The following JAKMIP1 variants were observed in gnomAD, a reference collection of about 807,000 sequenced individuals.
JAKMIP1 encodes the protein janus kinase and microtubule-interacting protein 1.
A neutral mutation model predicts 113.0 loss-of-function variants in JAKMIP1; 33 were observed. The ratio of observed to expected loss-of-function variants is 0.29; its 90% CI spans 0.22 to 0.39. JAKMIP1 has a LOEUF of 0.39. Among genes scored for constraint, JAKMIP1 ranks in the 10% least tolerant of loss-of-function variants. JAKMIP1 has a pLI of 1.00. For synonymous variants in JAKMIP1, 480 were observed against 459.9 expected (o/e 1.04, Z -0.56); for missense variants, 813 against 1,080.5 (o/e 0.75, Z 3.47).
intron 1 of JAKMIP1, among the ~76,000 whole-genome samples, chr4:6,132,166 GA>G (rs1718598302): frequency 6.6e-6 from 1 of 152,230 alleles, no homozygotes; most frequent in Non-Finnish European, 1.5e-5. Flanking sequence ...TGGGAGAGAC[GA>G]AACGGGACTC....
At position 6,168,103 on chromosome 4, in the gene JAKMIP1, C is replaced by G. The variant is rs1029735869; in HGVS notation, c.-148+32150G>C. 6.6e-6 allele frequency among the ~76,000 whole-genome samples: 1 copy of G among 152,200 alleles called. No individual in the cohort carries two copies. Among genetic ancestry groups the G allele is most frequent in the Non-Finnish European group, 1.5e-5 (1 of 68,042 alleles). On this transcript the variant is annotated intron_variant, in intron 1 of 20. Transcript: ENST00000409021. The surrounding 1 kb of genome is among the most constrained non-coding windows in gnomAD (Gnocchi z 4.6). ...ACCGCAGTGAGACGGCACCACACACCACCCAGGACGGCTGCAATCAAAAAA... is the reference window on the plus strand; with the variant it reads ...ACCGCAGTGAGACGGCACCACACACGACCCAGGACGGCTGCAATCAAAAAA...
chr4:6,078,427 C>T (rs1437640119), intron 8 of JAKMIP1, among the ~76,000 whole-genome samples: 2 of 142,214 alleles, frequency 1.4e-5, no homozygotes, highest in African/African-American at 5.3e-5. Flanking sequence ...TTGGTATCAG[C>T]TCCAGTGCGC....
chr4:6,127,076 G>T (rs1180118999), intron 1 of JAKMIP1, among the ~76,000 whole-genome samples: 2 of 152,100 alleles, frequency 1.3e-5, no homozygotes. Flanking sequence ...CAGAGTTGGT[G>T]GCTCCGAGCA....
rs1719638865 is a variant in JAKMIP1 at position 6,138,788 on chromosome 4, T to C, written c.-147-25791A>G. ...TGTTTGTCCTGGGGCAGGTGCCTTG[T>C]CCTCCCTGAGCTTCAGTTTCCCCTA... On this transcript the variant is annotated intron_variant, in intron 1 of 20. Coordinates refer to ENST00000409021, the MANE Select transcript of JAKMIP1 (RefSeq NM_001099433.2). The surrounding 1 kb of genome is among the most constrained non-coding windows in gnomAD (Gnocchi z 6.0). 6.6e-6 allele frequency among the ~76,000 whole-genome samples: 1 copy of C among 152,084 alleles called. No homozygotes were observed. The highest frequency in any genetic ancestry group is 2.1e-4 in the South Asian group (1 of 4,820).
rs1326465887 is a variant in JAKMIP1 at position 6,135,799 on chromosome 4, C to T, written c.-147-22802G>A. ...GGTTCTTCCCCTAAACCACACTGCC[C>T]AGCACAATGCTGGCTCACACAGAAC... is the stretch of plus-strand genomic sequence containing the variant. On this transcript the variant is annotated intron_variant, in intron 1 of 20. Coordinates refer to ENST00000409021, the MANE Select transcript of JAKMIP1 (RefSeq NM_001099433.2). This position sits in a 1 kb window ranked among gnomAD's most constrained non-coding sequence, Gnocchi z 4.9. Among the ~76,000 whole-genome samples, 1 of 152,016 alleles carries T rather than the reference C, an allele frequency of 6.6e-6. No individual in the cohort carries two copies. The highest frequency in any genetic ancestry group is 1.9e-4 in the East Asian group (1 of 5,174).
intron 1 of JAKMIP1, among the ~76,000 whole-genome samples, chr4:6,190,249 G>A (rs993323905): frequency 2.6e-5 from 4 of 152,240 alleles, no homozygotes; most frequent in African/African-American, 9.6e-5. Flanking sequence ...GACGTTACAG[G>A]CTGCATATAG....
At chr4:6,063,570 G>T (rs984132173) in intron 9 of JAKMIP1, among the ~76,000 whole-genome samples, 5 of 152,152 alleles carry the variant, frequency 3.3e-5, no homozygotes, top group Non-Finnish European at 7.3e-5. Flanking sequence ...GTCTCTCCCA[G>T]TGTGAGAAAG....
chr4:6,053,827 G>A (rs1216013891), intron 13 of JAKMIP1: 2 of 1,362,690 alleles, frequency 1.5e-6, no homozygotes, highest in South Asian at 2.1e-5. Context: ...TCTGGTACAT[G>A]TCCATAGACT....
intron 1 of JAKMIP1, among the ~76,000 whole-genome samples, chr4:6,152,384 C>A (rs900451068): frequency 2.6e-5 from 4 of 152,280 alleles, no homozygotes; most frequent in African/African-American, 9.6e-5. Context: ...GCTCCTAGAA[C>A]CGCCCTCACC....
At chr4:6,030,304 C>T (rs114598322) in intron 19 of JAKMIP1, among the ~76,000 whole-genome samples, 219 of 152,208 alleles carry the variant, frequency 1.4e-3, no homozygotes, top group African/African-American at 5.1e-3. Flanking sequence ...CACCAGCATC[C>T]GCCCTGCCCT....
chr4:6,171,557 A>T (rs1724716494), intron 1 of JAKMIP1, among the ~76,000 whole-genome samples: 1 of 152,036 alleles, frequency 6.6e-6, no homozygotes. Context: ...AGAGGGAAGG[A>T]TCCAGAGCCC....
At chr4:6,058,802 T>A (rs922579890) in intron 11 of JAKMIP1, among the ~76,000 whole-genome samples, 12 of 152,242 alleles carry the variant, frequency 7.9e-5, no homozygotes, top group Non-Finnish European at 1.2e-4. Flanking sequence ...TGCCAAGGAA[T>A]AAGCATTTAC....
chr4:6,085,879 C>T (rs1354541247), intron 3 of JAKMIP1, among the ~76,000 whole-genome samples: 1 of 152,220 alleles, frequency 6.6e-6, no homozygotes, highest in African/African-American at 2.4e-5. Flanking sequence ...GACATGCATA[C>T]TGACATCAGT....
chr4:6,180,504 C>A lies in JAKMIP1; in HGVS notation c.-148+19749G>T, dbSNP rs566680231. Among the ~76,000 whole-genome samples the A allele has an allele frequency of 3.9e-5, 6 of 152,344 alleles. No homozygotes were observed. Among genetic ancestry groups the A allele is most frequent in the Admixed American group, 1.3e-4 (2 of 15,300 alleles). On this transcript the variant is annotated intron_variant, in intron 1 of 20. Coordinates refer to ENST00000409021, the MANE Select transcript of JAKMIP1 (RefSeq NM_001099433.2). This position sits in a 1 kb window ranked among gnomAD's most constrained non-coding sequence, Gnocchi z 4.5. ...ATTAAGCACCATAACAACACAGACACCCCTCTCCCATCAGATAATTTACTA... is the reference window on the plus strand; with the variant it reads ...ATTAAGCACCATAACAACACAGACAACCCTCTCCCATCAGATAATTTACTA...
rs1719159193 is a variant in JAKMIP1 at position 6,135,862 on chromosome 4, G to C, written c.-147-22865C>G. 6.6e-6 allele frequency among the ~76,000 whole-genome samples: 1 copy of C among 151,598 alleles called. No homozygotes were observed. Among genetic ancestry groups the C allele is most frequent in the Admixed American group, 6.6e-5 (1 of 15,250 alleles). ...GTTTCAGATAGCCACCTAACACCTT[G>C]GCAGAGGCTGGTGTCAGAGGACTTA... is the stretch of plus-strand genomic sequence containing the variant. On this transcript the variant is annotated intron_variant, in intron 1 of 20. Coordinates refer to ENST00000409021, the MANE Select transcript of JAKMIP1 (RefSeq NM_001099433.2). This position sits in a 1 kb window ranked among gnomAD's most constrained non-coding sequence, Gnocchi z 4.9.
In JAKMIP1 at chr4:6,029,737, G is replaced by C. The variant is rs755578401; in HGVS notation, c.2424C>G (p.His808Gln). The C allele has an allele frequency of 1.2e-6, 2 of 1,604,084 alleles. No homozygotes were observed. Among genetic ancestry groups the C allele is most frequent in the Admixed American group, 3.4e-5 (2 of 58,866 alleles). ...CTACCTTTTCCTCCAGTTCTTTCAG[G>C]TGCCGCTTCTGAAACTCCAGTTTGT... ...LEDKLEFQKR[H>Q]LKELEEKFLF... The change falls in exon 20 of 21, where the codon CAC (histidine) becomes CAG (glutamine). Residue 808 changes from histidine to glutamine, a missense_variant. Physicochemically the swap from His to Gln is conservative, Grantham distance 24. Transcript: ENST00000409021.
rs765304793 is a variant in JAKMIP1, at chr4:6,065,524, A to C, written c.1303-516T>G. Reference sequence around the variant, plus strand: ...AGGGGGCAACAGCTTGAAGGAGTGGAGAGCCCAGCCATAGTCCTAGTACTC... The same window carrying C: ...AGGGGGCAACAGCTTGAAGGAGTGGCGAGCCCAGCCATAGTCCTAGTACTC... On this transcript the variant is annotated intron_variant, in intron 8 of 20. Transcript: ENST00000409021. This position sits in a 1 kb window ranked among gnomAD's most constrained non-coding sequence, Gnocchi z 5.1. Among the ~76,000 whole-genome samples the C allele has an allele frequency of 6.6e-4, 101 of 152,358 alleles. No individual in the cohort carries two copies. Among genetic ancestry groups the C allele is most frequent in the Non-Finnish European group, 1.2e-3 (85 of 68,036 alleles).
Position 6,116,421 on chromosome 4 carries a change from G to A in JAKMIP1, c.-147-3424C>T, listed in dbSNP as rs989470790. Among the ~76,000 whole-genome samples, 4 of 152,080 alleles carry A rather than the reference G, an allele frequency of 2.6e-5. No individual in the cohort carries two copies. Among genetic ancestry groups the A allele is most frequent in the East Asian group, 1.9e-4 (1 of 5,156 alleles). ...GGAAGGAGCACAGCACTGGCTCAGC[G>A]CCGCAGGCTGGAGGATGACTGCTCA... On this transcript the variant is annotated intron_variant, in intron 1 of 20. Transcript: ENST00000409021. The surrounding 1 kb of genome is among the most constrained non-coding windows in gnomAD (Gnocchi z 5.1).
rs1415788778 is a variant in JAKMIP1 at position 6,069,009 on chromosome 4, C to T, written c.1303-4001G>A. On this transcript the variant is annotated intron_variant, in intron 8 of 20. Transcript: ENST00000409021. This position sits in a 1 kb window ranked among gnomAD's most constrained non-coding sequence, Gnocchi z 4.5. ...GTAAGCCTACATGTACTCGATTTCTCAATATATTTGTGTCTTTATTAATAA... is the reference window on the plus strand; with the variant it reads ...GTAAGCCTACATGTACTCGATTTCTTAATATATTTGTGTCTTTATTAATAA... 1.3e-5 allele frequency among the ~76,000 whole-genome samples: 2 copies of T among 152,060 alleles called. No homozygotes were observed. The highest frequency in any genetic ancestry group is 2.9e-5 in the Non-Finnish European group (2 of 68,022).
Sources: allele counts gnomAD v4.1 joint callset (sites outside exome capture counted in the v4.1 genomes callset), GRCh38; gene constraint gnomAD v4.1.1; non-coding constraint Gnocchi (gnomAD v3.1); transcripts MANE v1.5; gene names NCBI Gene and HGNC (gene_info 2026-07-23, HGNC 2026-07-21).